Variants in PES1 observed in about 807,000 individuals in gnomAD.
PES1 encodes pescadillo ribosomal biogenesis factor 1.
A neutral mutation model predicts 77.1 loss-of-function variants in PES1; 31 were observed. The ratio of observed to expected loss-of-function variants is 0.40; its 90% CI spans 0.30 to 0.54. The LOEUF (loss-of-function observed/expected upper bound fraction) is 0.54. Ranked by LOEUF, PES1 falls within the 20% of genes least tolerant of loss-of-function variation. The probability of loss-of-function intolerance (pLI) is 0.45; values close to 1 mark genes in which losing one functional copy is unlikely to be tolerated. For missense variants in PES1, 658 were observed against 771.7 expected (o/e 0.85, Z 1.75); for synonymous variants, 282 against 303.0 (o/e 0.93, Z 0.72).
chr22:30,585,772 A>G (rs1229510438), intron 4 of PES1, among the ~76,000 whole-genome samples: 1 of 151,526 alleles, frequency 6.6e-6, no homozygotes, highest in Non-Finnish European at 1.5e-5. Context: ...TTCAAAAAAG[A>G]CTCCAAAATC....
rs1471293810 is a variant in PES1 at position 30,584,369 on chromosome 22, T to C, written c.626A>G (p.His209Arg). The change falls in exon 6 of 15, where the codon CAT becomes CGT. Residue 209 changes from histidine to arginine, a missense_variant. His to Arg is a conservative substitution (Grantham distance 29). Coordinates refer to ENST00000354694, the MANE Select transcript of PES1 (RefSeq NM_014303.4). ...CCTCCCGACAGGCACACTCACGTCA[T>C]GGGAGAAGGCATAGGGAGTGATCCA... ...IVWITPYAFS[H>R]DHPTDVDYRV... 1 of 1,608,764 alleles carries C rather than the reference T, an allele frequency of 6.2e-7. No individual in the cohort carries two copies. The highest frequency in any genetic ancestry group is 8.5e-7 in the Non-Finnish European group (1 of 1,177,036).
At chr22:30,584,242 C>T in intron 6 of PES1, 123 bp downstream of exon 6, 2 of 760,136 alleles carry the variant, frequency 2.6e-6, no homozygotes, top group Non-Finnish European at 4.5e-6. Context: ...CGCCTCACCC[C>T]TCATCAACAG....
In PES1 at chr22:30,576,807, A is replaced by G; in HGVS notation, c.*239T>C. ...GCACCTCATGTCACTGGCTCCTGGGAGCAGAGAATCAGGCTGGGCACAGAG... is the reference window on the plus strand; with the variant it reads ...GCACCTCATGTCACTGGCTCCTGGGGGCAGAGAATCAGGCTGGGCACAGAG... On this transcript the variant is annotated 3_prime_UTR_variant, in exon 15 of 15. Coordinates refer to ENST00000354694, the MANE Select transcript of PES1 (RefSeq NM_014303.4). The G allele has an allele frequency of 1.8e-6, 1 of 560,460 alleles. No individual in the cohort carries two copies. 34.7% of individuals were successfully genotyped at this position (560,460 alleles called of 1,614,324 possible).
chr22:30,592,489 G>T, upstream of PES1: 1 of 828,554 alleles, frequency 1.2e-6, no homozygotes, highest in Non-Finnish European at 1.5e-6. Flanking sequence ...TGGTGGACTC[G>T]TGGTATATTT....
chr22:30,581,233 C>G, intron 8 of PES1, 101 bp downstream of exon 8: 1 of 1,400,706 alleles, frequency 7.1e-7, no homozygotes, highest in Non-Finnish European at 9.9e-7. Flanking sequence ...GACCACCCAC[C>G]TAGCCATAAC....
intron 2 of PES1, among the ~76,000 whole-genome samples, chr22:30,605,032 C>T (rs771614077): frequency 4.6e-5 from 7 of 152,032 alleles, no homozygotes; most frequent in South Asian, 2.1e-4. Flanking sequence ...CTCCTTCTGT[C>T]GCCCAGACTG....
At chr22:30,598,438 A>T (rs1352335954) in intron 2 of PES1, 2 of 144,700 alleles carry the variant, frequency 1.4e-5, no homozygotes, top group Non-Finnish European at 3.0e-5. Context: ...TAAAACCCGT[A>T]AAAAAAAAAA....
At chr22:30,586,363 C>A (rs889548586) in intron 4 of PES1, among the ~76,000 whole-genome samples, 1 of 152,194 alleles carries the variant, frequency 6.6e-6, no homozygotes, top group Non-Finnish European at 1.5e-5. Flanking sequence ...CAGGGCACTT[C>A]CTGTGACAGC....
intron 2 of PES1, chr22:30,601,675 A>C (rs753734116): frequency 6.6e-6 from 1 of 152,066 alleles, no homozygotes. Context: ...TTATATATGC[A>C]ATATTTCATT....
At chr22:30,582,422 GAA>G (rs1230618122) in intron 6 of PES1, among the ~76,000 whole-genome samples, 1 of 152,170 alleles carries the variant, frequency 6.6e-6, no homozygotes, top group Non-Finnish European at 1.5e-5. Context: ...TTTGCTCAGG[GAA>G]AAGGCACAGA....
chr22:30,601,058 C>G (rs189043011), intron 2 of PES1, among the ~76,000 whole-genome samples: 3 of 152,276 alleles, frequency 2.0e-5, no homozygotes, highest in African/African-American at 7.2e-5. Context: ...CTCAAGTGTT[C>G]AAGTGAGCAA....
rs756332896 is a variant in PES1, at chr22:30,591,862, C to T, written c.-29G>A. The T allele has an allele frequency of 2.2e-5, 34 of 1,547,364 alleles. No homozygotes were observed. The highest frequency in any genetic ancestry group is 2.9e-5 in the Non-Finnish European group (33 of 1,146,852). ...TCCACGTTGAGGAGCCGACTAGGGC[C>T]GCGCGTACAGGGAGCTCCACTTCCT... On this transcript the variant is annotated 5_prime_UTR_variant, in exon 1 of 15. Transcript: ENST00000354694.
intron 2 of PES1, among the ~76,000 whole-genome samples, chr22:30,597,291 C>T (rs1230893072): frequency 1.3e-5 from 2 of 151,894 alleles, no homozygotes; most frequent in Non-Finnish European, 2.9e-5. Context: ...ACCTGTCCTG[C>T]CAGTATGAGC....
chr22:30,579,410 T>C (rs902124802), intron 12 of PES1, 107 bp from the exon 13 acceptor site: 5 of 1,556,538 alleles, frequency 3.2e-6, no homozygotes, highest in South Asian at 1.2e-5. Flanking sequence ...TCTTTAGCCA[T>C]GGGCAGTTCA....
At chr22:30,599,745 C>G (rs1171234575) in intron 2 of PES1, among the ~76,000 whole-genome samples, 1 of 151,860 alleles carries the variant, frequency 6.6e-6, no homozygotes, top group Non-Finnish European at 1.5e-5. Flanking sequence ...ACTAAAAATA[C>G]AAAAATTAGC....
At chr22:30,580,969 G>C (rs769503482) in intron 9 of PES1, 43 bp downstream of exon 9, 3 of 1,538,918 alleles carry the variant, frequency 1.9e-6, no homozygotes, top group Admixed American at 1.7e-5. Context: ...CCCCCCACAC[G>C]ACCCCTCCCA....
chr22:30,594,245 C>G (rs990679233), upstream of PES1, among the ~76,000 whole-genome samples: 3 of 152,172 alleles, frequency 2.0e-5, no homozygotes, highest in African/African-American at 7.2e-5. Context: ...ATTTGCTGGG[C>G]ATGGTGACAC....
At chr22:30,592,666 A>C (rs991594157), upstream of PES1, among the ~76,000 whole-genome samples, 1 of 152,164 alleles carries the variant, frequency 6.6e-6, no homozygotes, top group African/African-American at 2.4e-5. Context: ...CCATGGTGGC[A>C]CACGCCTGTA....
At chr22:30,605,703 CA>C (rs1384493466) in intron 1 of PES1, among the ~76,000 whole-genome samples, 1 of 152,160 alleles carries the variant, frequency 6.6e-6, no homozygotes, top group Non-Finnish European at 1.5e-5. Flanking sequence ...TCAGAACCTC[CA>C]GGGGTGCTCC....
Sources: gnomAD v4.1 joint callset for allele counts (sites outside exome capture counted in the v4.1 genomes callset) on GRCh38, gnomAD v4.1.1 for gene constraint, MANE v1.5 for transcripts, NCBI Gene and HGNC (gene_info 2026-07-23, HGNC 2026-07-21) for gene names.